Variants in SPATA13 observed in about 807,000 individuals in gnomAD.
SPATA13 encodes spermatogenesis-associated protein 13.
A neutral mutation model predicts 104.0 loss-of-function variants in SPATA13; 50 were observed. The observed-to-expected ratio is 0.48, with a 90% CI of 0.38 to 0.61. The LOEUF (loss-of-function observed/expected upper bound fraction) is 0.61. Ranked by LOEUF, SPATA13 falls within the 20% of genes least tolerant of loss-of-function variation. The pLI, the probability that SPATA13 is intolerant of heterozygous loss-of-function variation, is 0.00. For missense variants in SPATA13, 1,524 were observed against 1,690.6 expected (o/e 0.90, Z 1.73); for synonymous variants, 606 against 667.5 (o/e 0.91, Z 1.42).
At chr13:24,002,636 G>A (rs1459557737) in intron 2 of SPATA13, among the ~76,000 whole-genome samples, 10 of 152,160 alleles carry the variant, frequency 6.6e-5, no homozygotes, top group Non-Finnish European at 7.4e-5. Flanking sequence ...GAATTCACCA[G>A]TTCCTGGAGT....
intron 3 of SPATA13, among the ~76,000 whole-genome samples, chr13:24,097,732 A>T (rs1047684446): frequency 6.6e-6 from 1 of 152,246 alleles, no homozygotes; most frequent in Non-Finnish European, 1.5e-5. Flanking sequence ...TACCTGGATC[A>T]TGTAAGGAGA....
Position 23,986,452 on chromosome 13 carries a change from TC to T in SPATA13, c.-147+2522del, listed in dbSNP as rs370828417. ...AGAGGGTTTTGATTAGTTTTTAAGG[TC>T]CCTTCTGCTCCTTCTAAAAACCAGC... is the stretch of plus-strand genomic sequence containing the variant. On this transcript the variant is annotated intron_variant, in intron 2 of 14. Coordinates refer to the SPATA13 transcript ENST00000424834. Among the ~76,000 whole-genome samples the T allele has an allele frequency of 2.4e-3, 360 of 152,262 alleles. 1 individual carries two copies. The highest frequency in any genetic ancestry group is 8.3e-3 in the African/African-American group (345 of 41,564).
intron 1 of SPATA13, among the ~76,000 whole-genome samples, chr13:24,203,223 G>A (rs1442542910): frequency 6.6e-6 from 1 of 151,036 alleles, no homozygotes; most frequent in Non-Finnish European, 1.5e-5. Context: ...AGTTGAAGTT[G>A]TCTCTTCCCC....
intron 3 of SPATA13, among the ~76,000 whole-genome samples, chr13:24,148,837 G>T (rs1301366177): frequency 2.0e-5 from 3 of 152,206 alleles, no homozygotes; most frequent in Non-Finnish European, 4.4e-5. Flanking sequence ...GGGAGGGGTA[G>T]AACAAGGGAA....
At chr13:23,988,919 G>A (rs1025379492) in intron 2 of SPATA13, among the ~76,000 whole-genome samples, 1 of 151,996 alleles carries the variant, frequency 6.6e-6, no homozygotes, top group Admixed American at 6.6e-5. Flanking sequence ...GAGTCTTTGG[G>A]GGCTCTCCTA....
In SPATA13 at chr13:24,290,635, G is replaced by C. The variant is rs750545623; in HGVS notation, c.2848-17G>C. 2 of 1,608,656 alleles carry C rather than the reference G, an allele frequency of 1.2e-6. No individual in the cohort carries two copies. Among genetic ancestry groups the C allele is most frequent in the South Asian group, 1.1e-5 (1 of 90,904 alleles). On this transcript the variant is annotated splice_polypyrimidine_tract_variant and intron_variant, in intron 8 of 12. Transcript: ENST00000382108. ...AGGCACCCCAGAAGCTGACGAAGCT[G>C]TACTTTTCCTTCCCAGCAAGAGGGC...
chr13:24,014,188 C>G (rs1015069751), intron 2 of SPATA13, among the ~76,000 whole-genome samples: 1 of 152,174 alleles, frequency 6.6e-6, no homozygotes, highest in Admixed American at 6.5e-5. Flanking sequence ...TTCTTGGTAG[C>G]TTAACTCCAG....
intron 3 of SPATA13, among the ~76,000 whole-genome samples, chr13:24,060,039 A>C (rs2137753037): frequency 6.6e-6 from 1 of 152,302 alleles, no homozygotes; most frequent in Middle Eastern, 3.4e-3. Context: ...GTTTATTGAG[A>C]AGTTCCAATG....
Position 24,289,188 on chromosome 13 carries a change from C to T in SPATA13, c.2847+10C>T. ...TTGCTTTCTTCAAAATGTGCGTCAC[C>T]CTTTACTTCATTATTAATAACATCT... is the stretch of plus-strand genomic sequence containing the variant. On this transcript the variant is annotated intron_variant, in intron 8 of 12. Coordinates refer to ENST00000382108, the MANE Select transcript of SPATA13 (RefSeq NM_001166271.3). 5.0e-6 allele frequency: 8 copies of T among 1,597,824 alleles called. No individual in the cohort carries two copies. Among genetic ancestry groups the T allele is most frequent in the Non-Finnish European group, 6.8e-6 (8 of 1,175,052 alleles).
At chr13:24,006,567 C>A (rs892692164) in intron 2 of SPATA13, among the ~76,000 whole-genome samples, 2 of 152,178 alleles carry the variant, frequency 1.3e-5, no homozygotes, top group Non-Finnish European at 2.9e-5. Flanking sequence ...GCCAGGCCGG[C>A]CCAAGTACTA....
chr13:24,105,692 T>TC (rs1880422301), intron 3 of SPATA13, among the ~76,000 whole-genome samples: 1 of 152,022 alleles, frequency 6.6e-6, no homozygotes, highest in South Asian at 2.1e-4. Flanking sequence ...CCGAATTGTG[T>TC]CCCCCCTAAC....
intron 4 of SPATA13, among the ~76,000 whole-genome samples, chr13:24,283,533 G>A (rs1332791481): frequency 6.6e-6 from 1 of 152,214 alleles, no homozygotes; most frequent in Non-Finnish European, 1.5e-5. Context: ...CTGACTAGCA[G>A]GGTGGCCAAT....
chr13:24,070,294 G>A (rs1469239837), intron 3 of SPATA13, among the ~76,000 whole-genome samples: 1 of 152,174 alleles, frequency 6.6e-6, no homozygotes, highest in Non-Finnish European at 1.5e-5. Context: ...GCCCTGATGC[G>A]TGGCTGACCA....
intron 3 of SPATA13, among the ~76,000 whole-genome samples, chr13:24,074,369 G>T (rs1408488964): frequency 6.6e-6 from 1 of 152,142 alleles, no homozygotes; most frequent in Non-Finnish European, 1.5e-5. Context: ...ATATTCTGTT[G>T]TATGAATAGA....
At position 24,010,458 on chromosome 13, in the gene SPATA13, CTT is replaced by C. The variant is rs34740517; in HGVS notation, c.-146-7194_-146-7193del. Among the ~76,000 whole-genome samples the C allele has an allele frequency of 9.4e-4, 129 of 137,064 alleles. 1 individual carries two copies. Among genetic ancestry groups the C allele is most frequent in the East Asian group, 1.3e-3 (6 of 4,648 alleles). The allele number at this position is 137,064 out of a possible 152,430, so 89.9% of individuals were successfully genotyped here. On this transcript the variant is annotated intron_variant, in intron 2 of 14. Transcript: ENST00000424834. ...GGCATATTGTGAGGGAGGTATGTAG[CTT>C]TTTTTTTTTTTTTTCATCTTTGTAG...
chr13:24,229,151 G>A (rs910018334), intron 2 of SPATA13, among the ~76,000 whole-genome samples: 5 of 152,314 alleles, frequency 3.3e-5, no homozygotes, highest in African/African-American at 1.2e-4. Context: ...CTAGGAGTCT[G>A]GAGCATTCAT....
At chr13:24,211,836 G>A (rs1171835092) in intron 1 of SPATA13, among the ~76,000 whole-genome samples, 2 of 152,086 alleles carry the variant, frequency 1.3e-5, no homozygotes, top group African/African-American at 2.4e-5. Flanking sequence ...CCTGCCTGTC[G>A]TCCTCCAGCT....
intron 3 of SPATA13, among the ~76,000 whole-genome samples, chr13:24,037,823 T>C (rs926279975): frequency 6.6e-6 from 1 of 152,192 alleles, no homozygotes; most frequent in Admixed American, 6.5e-5. Flanking sequence ...CCAGAACTTG[T>C]AAGTGAAATT....
intron 2 of SPATA13, among the ~76,000 whole-genome samples, chr13:23,991,724 C>G (rs898692094): frequency 6.6e-6 from 1 of 152,224 alleles, no homozygotes; most frequent in East Asian, 1.9e-4. Context: ...AAGAGGACAA[C>G]AGAGTAATCA....
Sources: gnomAD v4.1 joint callset for allele counts (sites outside exome capture counted in the v4.1 genomes callset) on GRCh38, gnomAD v4.1.1 for gene constraint, MANE v1.5 for transcripts, NCBI Gene and HGNC (gene_info 2026-07-23, HGNC 2026-07-21) for gene names.